The following SPOCK1 variants were observed in gnomAD, a reference collection of about 807,000 sequenced individuals.
SPOCK1 encodes testican-1.
A neutral mutation model predicts 55.3 loss-of-function variants in SPOCK1; 23 were observed. The observed-to-expected ratio is 0.42, with a 90% CI of 0.30 to 0.59. The LOEUF is 0.59. Ranked by LOEUF, SPOCK1 falls within the 20% of genes least tolerant of loss-of-function variation. The probability of loss-of-function intolerance (pLI) is 0.22; values close to 1 mark genes in which losing one functional copy is unlikely to be tolerated. For synonymous variants in SPOCK1, 226 were observed against 221.0 expected (o/e 1.02, Z -0.20); for missense variants, 499 against 552.5 (o/e 0.90, Z 0.97).
At chr5:137,093,831 G>C (rs745505720) in intron 5 of SPOCK1, among the ~76,000 whole-genome samples, 1 of 152,212 alleles carries the variant, frequency 6.6e-6, no homozygotes, top group South Asian at 2.1e-4. Context: ...GAAAAACATG[G>C]TAAGACAGAG....
intron 5 of SPOCK1, among the ~76,000 whole-genome samples, chr5:137,086,907 G>A (rs1333859166): frequency 1.3e-5 from 2 of 152,156 alleles, no homozygotes; most frequent in Non-Finnish European, 2.9e-5. Context: ...GAAGCCAGCT[G>A]CGTCTGATGG....
chr5:137,147,197 A>T (rs1480447550), intron 3 of SPOCK1, among the ~76,000 whole-genome samples: 1 of 152,190 alleles, frequency 6.6e-6, no homozygotes, highest in Non-Finnish European at 1.5e-5. Context: ...ATGTAGGTAG[A>T]TGGGTGTATA....
intron 1 of SPOCK1, 135 bp from the exon 2 acceptor site, chr5:137,498,693 G>A (rs1283815755): frequency 3.5e-6 from 2 of 564,730 alleles, no homozygotes; most frequent in Admixed American, 5.2e-5. Flanking sequence ...CGCACCTGGG[G>A]CGCCTGTCGC....
intron 3 of SPOCK1, among the ~76,000 whole-genome samples, chr5:137,207,281 G>A (rs947192692): frequency 6.6e-6 from 1 of 152,222 alleles, no homozygotes; most frequent in East Asian, 1.9e-4. Flanking sequence ...TGCAGGCCTG[G>A]AACAGGCCCA....
At chr5:137,285,867 G>T (rs533406675) in intron 2 of SPOCK1, among the ~76,000 whole-genome samples, 2 of 152,270 alleles carry the variant, frequency 1.3e-5, no homozygotes, top group African/African-American at 4.8e-5. Flanking sequence ...CAAAGTGGAA[G>T]TCAGCACAAT....
At chr5:137,122,473 C>T (rs1753705066) in intron 4 of SPOCK1, among the ~76,000 whole-genome samples, 1 of 152,146 alleles carries the variant, frequency 6.6e-6, no homozygotes, top group Non-Finnish European at 1.5e-5. Context: ...AGAAATTGTT[C>T]CTTTTGTCCA....
At chr5:136,995,101 C>G (rs1280358429) in intron 6 of SPOCK1, among the ~76,000 whole-genome samples, 1 of 152,204 alleles carries the variant, frequency 6.6e-6, no homozygotes, top group African/African-American at 2.4e-5. Context: ...CACTGGACAG[C>G]ACAGACGCAG....
intron 6 of SPOCK1, among the ~76,000 whole-genome samples, chr5:137,035,774 G>A (rs186579774): frequency 2.1e-4 from 32 of 152,290 alleles, no homozygotes; most frequent in East Asian, 5.8e-4. Flanking sequence ...CTCACCCCAC[G>A]GTGCCCAGGA....
intron 2 of SPOCK1, among the ~76,000 whole-genome samples, chr5:137,424,642 A>G (rs1434462608): frequency 6.6e-6 from 1 of 152,242 alleles, no homozygotes; most frequent in Non-Finnish European, 1.5e-5. Flanking sequence ...TAAGCAAGCT[A>G]TACAATGGAA....
chr5:137,480,303 T>TCACACACACA (rs6149262), intron 2 of SPOCK1, among the ~76,000 whole-genome samples: 125 of 140,208 alleles, frequency 8.9e-4, no homozygotes, highest in East Asian at 5.0e-3. Flanking sequence ...TTGCTCTCCT[T>TCACACACACA]CACACACACA....
rs572498411 is a variant in SPOCK1, at chr5:137,376,882, T to C, written c.187-109827A>G. ...GAAGGACCATGGGTGACTTGTGCCT[T>C]CTTTTTGTGTACCAATATGTTAAAA... is the stretch of plus-strand genomic sequence containing the variant. On this transcript the variant is annotated intron_variant, in intron 2 of 10. Coordinates refer to ENST00000394945, the MANE Select transcript of SPOCK1 (RefSeq NM_004598.4). Among the ~76,000 whole-genome samples, 297 of 152,314 alleles carry C rather than the reference T, an allele frequency of 1.9e-3. 3 individuals are homozygous for C. Among genetic ancestry groups the C allele is most frequent in the Non-Finnish European group, 3.5e-3 (241 of 68,028 alleles).
chr5:137,060,734 G>C (rs148311445), intron 6 of SPOCK1, among the ~76,000 whole-genome samples: 1 of 152,056 alleles, frequency 6.6e-6, no homozygotes, highest in Non-Finnish European at 1.5e-5. Flanking sequence ...CTGAACTCTG[G>C]TTCCGACCGC....
chr5:137,276,333 T>G (rs1441291909), intron 2 of SPOCK1, among the ~76,000 whole-genome samples: 1 of 152,184 alleles, frequency 6.6e-6, no homozygotes, highest in African/African-American at 2.4e-5. Context: ...TTTAGACACT[T>G]CTTCTCGTGG....
chr5:137,408,729 A>G (rs1752150874), intron 2 of SPOCK1, among the ~76,000 whole-genome samples: 1 of 152,152 alleles, frequency 6.6e-6, no homozygotes, highest in African/African-American at 2.4e-5. Flanking sequence ...GTCATGGTAA[A>G]GGACACCAGC....
At chr5:137,232,390 C>A (rs1222526325) in intron 3 of SPOCK1, among the ~76,000 whole-genome samples, 1 of 152,152 alleles carries the variant, frequency 6.6e-6, no homozygotes, top group East Asian at 1.9e-4. Context: ...GGTCCAGATT[C>A]GTTTCTTTGC....
intron 3 of SPOCK1, among the ~76,000 whole-genome samples, chr5:137,238,617 A>T (rs1324053533): frequency 6.6e-5 from 10 of 152,260 alleles, no homozygotes; most frequent in Non-Finnish European, 8.8e-5. Flanking sequence ...CCATCAAACC[A>T]GTGAATATTA....
chr5:137,403,020 A>T (rs1752016415), intron 2 of SPOCK1, among the ~76,000 whole-genome samples: 1 of 152,252 alleles, frequency 6.6e-6, no homozygotes, highest in Non-Finnish European at 1.5e-5. Context: ...CAAAGGTCAC[A>T]CAGCTGATGA....
intron 5 of SPOCK1, among the ~76,000 whole-genome samples, chr5:137,093,235 C>T (rs1003180807): frequency 6.6e-6 from 1 of 152,134 alleles, no homozygotes; most frequent in Non-Finnish European, 1.5e-5. Flanking sequence ...CCTGTGCTCT[C>T]TTTGTCTCCC....
At position 137,253,740 on chromosome 5, in the gene SPOCK1, T is replaced by A. The variant is rs1252808194; in HGVS notation, c.232+13270A>T. Among the ~76,000 whole-genome samples, 3 of 152,146 alleles carry A rather than the reference T, an allele frequency of 2.0e-5. No homozygotes were observed. The East Asian group carries it at 5.8e-4, about 29-fold the overall frequency. On this transcript the variant is annotated intron_variant, in intron 3 of 10. Coordinates refer to ENST00000394945, the MANE Select transcript of SPOCK1 (RefSeq NM_004598.4). ...CATACTTGGATTGAGCCAAAAGCCA[T>A]CCCTTTGCAACTCCCACCCTCTAAT...
Sources: gnomAD v4.1 joint callset for allele counts (sites outside exome capture counted in the v4.1 genomes callset) on GRCh38, gnomAD v4.1.1 for gene constraint, MANE v1.5 for transcripts, NCBI Gene and HGNC (gene_info 2026-07-23, HGNC 2026-07-21) for gene names.